LUZP2: variants seen among roughly 807,000 people sequenced by gnomAD.
LUZP2 encodes the protein leucine zipper protein 2.
A neutral mutation model predicts 51.6 loss-of-function variants in LUZP2; 52 were observed. That is an observed-to-expected ratio of 1.01 (90% confidence interval 0.81 to 1.27). The LOEUF (loss-of-function observed/expected upper bound fraction) is 1.27. LUZP2 is among the 50% of genes most tolerant of loss of function. The probability of loss-of-function intolerance (pLI) is 0.00; values close to 1 mark genes in which losing one functional copy is unlikely to be tolerated. For missense variants in LUZP2, 436 were observed against 395.4 expected (o/e 1.10, Z -0.87); for synonymous variants, 154 against 137.3 (o/e 1.12, Z -0.85).
At chr11:24,910,003 T>C (rs772223062) in intron 6 of LUZP2, among the ~76,000 whole-genome samples, 1 of 152,122 alleles carries the variant, frequency 6.6e-6, no homozygotes, top group Non-Finnish European at 1.5e-5. Flanking sequence ...ATATGGACAA[T>C]GAAGTCCAGG....
intron 5 of LUZP2, among the ~76,000 whole-genome samples, chr11:24,814,265 A>G (rs1263088672): frequency 6.6e-6 from 1 of 152,162 alleles, no homozygotes; most frequent in Non-Finnish European, 1.5e-5. Flanking sequence ...TGGACTGTGA[A>G]AAATTATTTC....
intron 7 of LUZP2, among the ~76,000 whole-genome samples, chr11:24,936,101 C>A (rs1590750484): frequency 6.6e-6 from 1 of 152,030 alleles, no homozygotes; most frequent in Admixed American, 6.6e-5. Context: ...AAGACATTTA[C>A]CTTTTACGAT....
chr11:24,897,738 A>G (rs1026056424), intron 5 of LUZP2, among the ~76,000 whole-genome samples: 5 of 152,170 alleles, frequency 3.3e-5, no homozygotes, highest in Admixed American at 2.0e-4. Context: ...TTCGGACACA[A>G]TATGATTGTT....
At chr11:25,020,625 T>A (rs7127689) in intron 9 of LUZP2, among the ~76,000 whole-genome samples, 88,819 of 151,852 alleles carry the variant, frequency 0.58, 27,205 homozygotes, top group African/African-American at 0.77. Context: ...TGTTCAGTTT[T>A]GATTCTACAT....
chr11:24,883,486 C>T (rs1019097346), intron 5 of LUZP2, among the ~76,000 whole-genome samples: 4 of 151,970 alleles, frequency 2.6e-5, no homozygotes, highest in African/African-American at 9.7e-5. Flanking sequence ...AAATAACCCC[C>T]AAGTATTAAA....
At chr11:24,796,787 T>G (rs1213552799) in intron 5 of LUZP2, among the ~76,000 whole-genome samples, 1 of 152,176 alleles carries the variant, frequency 6.6e-6, no homozygotes, top group Non-Finnish European at 1.5e-5. Context: ...AAGTTTTTTT[T>G]GGTTTTGAAG....
intron 1 of LUZP2, among the ~76,000 whole-genome samples, chr11:24,688,782 C>T (rs1208935375): frequency 6.6e-6 from 1 of 152,072 alleles, no homozygotes; most frequent in Non-Finnish European, 1.5e-5. Context: ...ATTTATATTA[C>T]TGGGAGTTCA....
intron 4 of LUZP2, among the ~76,000 whole-genome samples, chr11:24,738,723 G>T (rs1287687801): frequency 6.6e-6 from 1 of 151,938 alleles, no homozygotes. Flanking sequence ...CATCCCACGG[G>T]TTATTCTAAT....
At chr11:24,513,638 A>G (rs1354321550) in intron 1 of LUZP2, among the ~76,000 whole-genome samples, 1 of 152,138 alleles carries the variant, frequency 6.6e-6, no homozygotes, top group Non-Finnish European at 1.5e-5. Flanking sequence ...TCTGACTGTC[A>G]TTACTTATAG....
chr11:24,605,256 A>G (rs902555241), intron 1 of LUZP2, among the ~76,000 whole-genome samples: 6 of 151,846 alleles, frequency 4.0e-5, no homozygotes, highest in African/African-American at 1.4e-4. Context: ...GCCATTTTAC[A>G]TAAAGAGCTC....
At chr11:24,792,527 C>T (rs185872476) in intron 5 of LUZP2, among the ~76,000 whole-genome samples, 2 of 151,428 alleles carry the variant, frequency 1.3e-5, no homozygotes, top group African/African-American at 4.8e-5. Context: ...GTTTTTTTTG[C>T]TTATATTACC....
intron 10 of LUZP2, among the ~76,000 whole-genome samples, chr11:25,052,342 A>C (rs2134025694): frequency 6.6e-6 from 1 of 152,318 alleles, no homozygotes; most frequent in East Asian, 1.9e-4. Flanking sequence ...ACCGAAGAGT[A>C]CTTACAAAAT....
intron 1 of LUZP2, among the ~76,000 whole-genome samples, chr11:24,711,812 AT>A (rs1295091473): frequency 6.6e-6 from 1 of 151,936 alleles, no homozygotes; most frequent in African/African-American, 2.4e-5. Flanking sequence ...TCTCTTTCAA[AT>A]TTTTCCCCTT....
intron 5 of LUZP2, among the ~76,000 whole-genome samples, chr11:24,870,482 C>CACAG (rs1239057279): frequency 4.8e-5 from 1 of 20,662 alleles, no homozygotes; most frequent in African/African-American, 1.6e-4. Flanking sequence ...CACACACACA[C>CACAG]ACACACAGAC....
intron 5 of LUZP2, among the ~76,000 whole-genome samples, chr11:24,810,961 G>C (rs563404239): frequency 6.6e-6 from 1 of 152,242 alleles, no homozygotes; most frequent in African/African-American, 2.4e-5. Context: ...ATTTCTCTGA[G>C]TCCTCAACTG....
chr11:24,500,251 A>G (rs1355984409), intron 1 of LUZP2, among the ~76,000 whole-genome samples: 1 of 152,172 alleles, frequency 6.6e-6, no homozygotes, highest in East Asian at 1.9e-4. Flanking sequence ...AAAACGAACA[A>G]AGAAAAAGAG....
chr11:24,998,750 G>A (rs1241443060), intron 9 of LUZP2, among the ~76,000 whole-genome samples: 1 of 151,990 alleles, frequency 6.6e-6, no homozygotes, highest in African/African-American at 2.4e-5. Context: ...ATTCAAACCT[G>A]GACTTTCAGC....
At chr11:24,595,011 C>G (rs138262906) in intron 1 of LUZP2, among the ~76,000 whole-genome samples, 4 of 151,958 alleles carry the variant, frequency 2.6e-5, no homozygotes, top group African/African-American at 9.7e-5. Flanking sequence ...CCGCCCATCT[C>G]GGCCTCCCAA....
chr11:24,895,422 A>G (rs190558992), intron 5 of LUZP2, among the ~76,000 whole-genome samples: 2 of 152,132 alleles, frequency 1.3e-5, no homozygotes, highest in Admixed American at 6.5e-5. Flanking sequence ...TTTCCTGCAT[A>G]TACCTCATGA....
Sources: allele counts gnomAD v4.1 joint callset (sites outside exome capture counted in the v4.1 genomes callset), GRCh38; gene constraint gnomAD v4.1.1; transcripts MANE v1.5; gene names NCBI Gene and HGNC (gene_info 2026-07-23, HGNC 2026-07-21).